The following STX8 variants were observed in gnomAD, a reference collection of about 807,000 sequenced individuals.
STX8 encodes the protein syntaxin-8.
Under a neutral mutation model 37.5 loss-of-function variants are expected in STX8, and 23 were observed. The observed-to-expected ratio is 0.61, with a 90% CI of 0.44 to 0.87. The LOEUF is 0.87. STX8 is among the 40% of genes least tolerant of loss of function. The pLI is 0.00. For synonymous variants in STX8, 115 were observed against 99.1 expected, an observed-to-expected ratio of 1.16 and a Z score of -0.95; for missense variants, 313 against 284.7, an observed-to-expected ratio of 1.10 and a Z score of -0.71.
intron 6 of STX8, among the ~76,000 whole-genome samples, chr17:9,401,409 C>A (rs1032128199): frequency 6.6e-6 from 1 of 152,138 alleles, no homozygotes; most frequent in Non-Finnish European, 1.5e-5. Flanking sequence ...AACCATTTTA[C>A]AAATTGTTTA....
intron 6 of STX8, among the ~76,000 whole-genome samples, chr17:9,444,006 G>A (rs1387188457): frequency 1.3e-5 from 2 of 151,962 alleles, no homozygotes; most frequent in African/African-American, 4.8e-5. Flanking sequence ...TTCTGTCATC[G>A]TGTTCATTCA....
chr17:9,367,538 A>G (rs1261378807), intron 7 of STX8, among the ~76,000 whole-genome samples: 1 of 152,086 alleles, frequency 6.6e-6, no homozygotes, highest in African/African-American at 2.4e-5. Context: ...TGGAAATCCT[A>G]CCTGAGAGAA....
intron 5 of STX8, 106 bp from the exon 6 acceptor site, chr17:9,492,027 GAA>G: frequency 4.4e-6 from 3 of 684,150 alleles, no homozygotes; most frequent in East Asian, 2.9e-5. Context: ...AATCAGTCAG[GAA>G]AAAAAAGAGA....
At chr17:9,426,338 C>A (rs1457588151) in intron 6 of STX8, among the ~76,000 whole-genome samples, 1 of 152,048 alleles carries the variant, frequency 6.6e-6, no homozygotes, top group Non-Finnish European at 1.5e-5. Context: ...ACCAGCCTGG[C>A]CAACATGGCG....
At chr17:9,364,987 GGATGAGGAGAAGAGAAAGT>G (rs1191525371) in intron 7 of STX8, among the ~76,000 whole-genome samples, 144 of 150,050 alleles carry the variant, frequency 9.6e-4, no homozygotes, top group East Asian at 3.3e-3. Flanking sequence ...GCCAGAAATA[GGATGAGGAGAAGAGAAAGT>G]GATGAGGAGA....
intron 6 of STX8, among the ~76,000 whole-genome samples, chr17:9,408,484 C>T (rs1237083771): frequency 6.6e-6 from 1 of 152,138 alleles, no homozygotes; most frequent in African/African-American, 2.4e-5. Flanking sequence ...GAGCTTTCAC[C>T]TAGTGTGGAT....
At chr17:9,425,106 A>T (rs1025786921) in intron 6 of STX8, among the ~76,000 whole-genome samples, 3 of 152,220 alleles carry the variant, frequency 2.0e-5, no homozygotes, top group Non-Finnish European at 4.4e-5. Flanking sequence ...CTGACTAAGA[A>T]AAAGTATATT....
chr17:9,263,436 G>T (rs182154942), intron 7 of STX8, among the ~76,000 whole-genome samples: 1 of 147,676 alleles, frequency 6.8e-6, no homozygotes, highest in African/African-American at 2.5e-5. Flanking sequence ...CCGAGATCGC[G>T]CCATTGCACT....
At chr17:9,415,353 T>A (rs1913148713) in intron 6 of STX8, among the ~76,000 whole-genome samples, 1 of 152,162 alleles carries the variant, frequency 6.6e-6, no homozygotes, top group Non-Finnish European at 1.5e-5. Context: ...CTGTGTTAGT[T>A]TGCACCTTTC....
At chr17:9,425,258 G>A (rs9892454) in intron 6 of STX8, among the ~76,000 whole-genome samples, 75,321 of 151,870 alleles carry the variant, frequency 0.5, 19,107 homozygotes, top group Middle Eastern at 0.58. Context: ...GGTAGTCATC[G>A]TTCAACAAAA....
chr17:9,416,495 A>C (rs995341733), intron 6 of STX8, among the ~76,000 whole-genome samples: 1 of 152,118 alleles, frequency 6.6e-6, no homozygotes, highest in Non-Finnish European at 1.5e-5. Context: ...CGGCCTCCCG[A>C]GTAGCTGGGA....
chr17:9,391,316 G>A (rs1303936067), intron 6 of STX8, among the ~76,000 whole-genome samples: 1 of 152,060 alleles, frequency 6.6e-6, no homozygotes, highest in Non-Finnish European at 1.5e-5. Context: ...GCCAGACATG[G>A]TGGTGCATGC....
chr17:9,383,610 TTAG>T (rs562916418), intron 6 of STX8, among the ~76,000 whole-genome samples: 37 of 152,174 alleles, frequency 2.4e-4, no homozygotes, highest in Non-Finnish European at 4.3e-4. Flanking sequence ...GAACATTTTA[TTAG>T]AAGTCCCAGA....
intron 6 of STX8, among the ~76,000 whole-genome samples, chr17:9,447,724 T>C (rs930446648): frequency 1.3e-5 from 2 of 151,832 alleles, no homozygotes; most frequent in African/African-American, 2.4e-5. Context: ...CACCCGGCCT[T>C]GAGAAGTTTT....
chr17:9,359,975 G>A (rs1911009115), intron 7 of STX8, among the ~76,000 whole-genome samples: 1 of 152,026 alleles, frequency 6.6e-6, no homozygotes, highest in Admixed American at 6.6e-5. Context: ...CAGGAGTGGG[G>A]AGAAGGTTAA....
At chr17:9,569,166 C>T (rs1034495955) in intron 1 of STX8, among the ~76,000 whole-genome samples, 3 of 152,166 alleles carry the variant, frequency 2.0e-5, no homozygotes, top group Admixed American at 6.5e-5. Context: ...GGGGGGTCTC[C>T]GCTGCACTGG....
intron 7 of STX8, among the ~76,000 whole-genome samples, chr17:9,271,390 G>A (rs550722078): frequency 8.2e-4 from 125 of 152,306 alleles, no homozygotes; most frequent in African/African-American, 2.9e-3. Context: ...GGAAGCGGAC[G>A]TTGCAGTGAG....
In STX8 at chr17:9,265,080, C is replaced by G. The variant is rs148184350; in HGVS notation, c.644-14435G>C. Among the ~76,000 whole-genome samples the G allele has an allele frequency of 4.4e-4, 66 of 148,776 alleles. 1 individual carries two copies. The highest frequency in any genetic ancestry group is 1.5e-3 in the African/African-American group (62 of 40,012). ...GTTACAGTGAGCCATGATTGTGCCA[C>G]TGCACTCCAGCCTGGGTGAGAGAAC... On this transcript the variant is annotated intron_variant, in intron 7 of 7. Coordinates refer to ENST00000306357, the MANE Select transcript of STX8 (RefSeq NM_004853.3).
intron 6 of STX8, among the ~76,000 whole-genome samples, chr17:9,471,012 C>G (rs993137025): frequency 9.6e-6 from 1 of 104,378 alleles, no homozygotes; most frequent in Non-Finnish European, 2.1e-5. Flanking sequence ...GGATTACAGG[C>G]GTGAGCCACT....
Sources: allele counts gnomAD v4.1 joint callset (sites outside exome capture counted in the v4.1 genomes callset), GRCh38; gene constraint gnomAD v4.1.1; transcripts MANE v1.5; gene names NCBI Gene and HGNC (gene_info 2026-07-23, HGNC 2026-07-21).